Variants in TAFA1 observed in about 807,000 individuals in gnomAD.
TAFA1 encodes TAFA chemokine like family member 1.
A neutral mutation model predicts 18.5 loss-of-function variants in TAFA1; 4 were observed. The ratio of observed to expected loss-of-function variants is 0.22; its 90% CI spans 0.11 to 0.49. TAFA1 has a LOEUF of 0.49. Among genes scored for constraint, TAFA1 ranks in the 20% least tolerant of loss-of-function variants. The pLI, the probability that TAFA1 is intolerant of heterozygous loss-of-function variation, is 0.98. For missense variants in TAFA1, 147 were observed against 169.0 expected (o/e 0.87, Z 0.72); for synonymous variants, 56 against 55.2 (o/e 1.01, Z -0.06).
chr3:68,489,541 G>A (rs550881217), intron 3 of TAFA1, among the ~76,000 whole-genome samples: 4 of 152,144 alleles, frequency 2.6e-5, no homozygotes, highest in South Asian at 4.1e-4. Context: ...ACTGTGGTCC[G>A]TAGACCCCCG....
At chr3:68,231,050 A>G (rs1210774291) in intron 2 of TAFA1, among the ~76,000 whole-genome samples, 1 of 152,192 alleles carries the variant, frequency 6.6e-6, no homozygotes, top group Non-Finnish European at 1.5e-5. Flanking sequence ...TATCAAAGAC[A>G]ATGAAGGTTT....
chr3:67,998,849 T>G, the TAFA1 span, among the ~76,000 whole-genome samples: 62 of 152,198 alleles, frequency 4.1e-4, no homozygotes, highest in Non-Finnish European at 7.5e-4. Context: ...TAGGAAACCA[T>G]ACATCTTCTT....
At chr3:68,068,295 C>A (rs1270065905) in intron 2 of TAFA1, among the ~76,000 whole-genome samples, 1 of 152,178 alleles carries the variant, frequency 6.6e-6, no homozygotes. Flanking sequence ...TTCAAGTTGT[C>A]ATTTTGTCTA....
intron 2 of TAFA1, among the ~76,000 whole-genome samples, chr3:68,341,268 G>C (rs895674539): frequency 6.6e-6 from 1 of 152,092 alleles, no homozygotes; most frequent in Non-Finnish European, 1.5e-5. Flanking sequence ...CTGGTTGGTC[G>C]GGTTGGAGAT....
At chr3:68,037,919 GCT>G (rs1203111279) in intron 2 of TAFA1, among the ~76,000 whole-genome samples, 2 of 151,960 alleles carry the variant, frequency 1.3e-5, no homozygotes, top group South Asian at 2.1e-4. Flanking sequence ...TTGTGTGCGT[GCT>G]CTCTCTCTCT....
At chr3:68,408,692 A>G (rs1486890676) in intron 2 of TAFA1, among the ~76,000 whole-genome samples, 1 of 151,742 alleles carries the variant, frequency 6.6e-6, no homozygotes, top group Non-Finnish European at 1.5e-5. Context: ...ACTGCCCACT[A>G]TTATTCCAGG....
At position 68,486,470 on chromosome 3, in the gene TAFA1, G is replaced by A. The variant is rs2072342269; in HGVS notation, c.260-52286G>A. On this transcript the variant is annotated intron_variant, in intron 3 of 4. Coordinates refer to ENST00000478136, the MANE Select transcript of TAFA1 (RefSeq NM_213609.4). ...GTACCATGCCTCCAACATGAGAAAA[G>A]CTTAGACTTTGAACACAAACAGAAA... is the stretch of plus-strand genomic sequence containing the variant. Among the ~76,000 whole-genome samples the A allele has an allele frequency of 2.6e-5, 4 of 152,104 alleles. No individual in the cohort carries two copies. In the South Asian group the frequency reaches 8.3e-4, roughly 32 times the overall value.
At chr3:68,301,514 T>A (rs1449132427) in intron 2 of TAFA1, among the ~76,000 whole-genome samples, 1 of 152,118 alleles carries the variant, frequency 6.6e-6, no homozygotes, top group Non-Finnish European at 1.5e-5. Flanking sequence ...AAAGAAGGTG[T>A]CCAAATGTGG....
At chr3:68,519,271 A>G (rs1439936385) in intron 3 of TAFA1, among the ~76,000 whole-genome samples, 1 of 152,204 alleles carries the variant, frequency 6.6e-6, no homozygotes, top group Non-Finnish European at 1.5e-5. Context: ...TCTGCCATGT[A>G]AGGATACAAT....
intron 2 of TAFA1, among the ~76,000 whole-genome samples, chr3:68,055,212 T>C (rs1020570713): frequency 1.3e-5 from 2 of 152,088 alleles, no homozygotes; most frequent in Non-Finnish European, 2.9e-5. Context: ...AGCACACAAC[T>C]CAGAAACACC....
chr3:68,331,588 G>A (rs2068871729), intron 2 of TAFA1, among the ~76,000 whole-genome samples: 1 of 152,170 alleles, frequency 6.6e-6, no homozygotes, highest in African/African-American at 2.4e-5. Context: ...GCCAAAATCA[G>A]GCACCTTTTA....
chr3:68,160,238 A>G (rs971751481), intron 2 of TAFA1, among the ~76,000 whole-genome samples: 15 of 152,208 alleles, frequency 9.9e-5, no homozygotes, highest in African/African-American at 3.4e-4. Context: ...TTTTTTATAA[A>G]GGGACCAATA....
At chr3:68,127,310 C>A (rs1420261993) in intron 2 of TAFA1, among the ~76,000 whole-genome samples, 1 of 152,006 alleles carries the variant, frequency 6.6e-6, no homozygotes, top group Non-Finnish European at 1.5e-5. Flanking sequence ...AGAAAATGGA[C>A]AAAGGGCGGA....
At chr3:68,289,972 G>A (rs1292035900) in intron 2 of TAFA1, among the ~76,000 whole-genome samples, 1 of 152,180 alleles carries the variant, frequency 6.6e-6, no homozygotes, top group African/African-American at 2.4e-5. Flanking sequence ...AGGCACCCAG[G>A]TGCCTTGACT....
chr3:68,297,977 T>C (rs1491741), intron 2 of TAFA1, among the ~76,000 whole-genome samples: 9,649 of 152,296 alleles, frequency 0.063, 474 homozygotes, highest in African/African-American at 0.13. Context: ...TTCTTGCAAT[T>C]GATTTAATTT....
At chr3:67,999,830 A>G (rs1171980443), upstream of TAFA1, among the ~76,000 whole-genome samples, 2 of 148,894 alleles carry the variant, frequency 1.3e-5, no homozygotes, top group Admixed American at 6.7e-5. Context: ...GTTTCTCATC[A>G]CTCAGGCTGG....
chr3:68,348,196 G>A (rs1420820276), intron 2 of TAFA1, among the ~76,000 whole-genome samples: 1 of 152,078 alleles, frequency 6.6e-6, no homozygotes, highest in Admixed American at 6.6e-5. Context: ...CTATACCTCA[G>A]TGCCATTGCC....
At chr3:68,095,994 T>C (rs1408930846) in intron 2 of TAFA1, among the ~76,000 whole-genome samples, 5 of 152,124 alleles carry the variant, frequency 3.3e-5, no homozygotes, top group Admixed American at 6.6e-5. Context: ...TTTTGAGATA[T>C]GCAATACATT....
chr3:68,364,039 C>T (rs1039524365), intron 2 of TAFA1, among the ~76,000 whole-genome samples: 2 of 152,060 alleles, frequency 1.3e-5, no homozygotes, highest in Non-Finnish European at 2.9e-5. Context: ...ATGAAGATTG[C>T]ACAGTGTGTT....
Sources: allele counts gnomAD v4.1 joint callset (sites outside exome capture counted in the v4.1 genomes callset), GRCh38; gene constraint gnomAD v4.1.1; transcripts MANE v1.5; gene names NCBI Gene and HGNC (gene_info 2026-07-23, HGNC 2026-07-21).